The following GABRA3 variants were observed in gnomAD, a reference collection of about 807,000 sequenced individuals.
The protein encoded by GABRA3 is gamma-aminobutyric acid receptor subunit alpha-3.
In GABRA3, 10 loss-of-function variants were observed where a neutral mutation model predicts 30.1. The ratio of observed to expected loss-of-function variants is 0.33; its 90% confidence interval spans 0.20 to 0.56. The LOEUF is 0.56. GABRA3 is among the 20% of genes least tolerant of loss of function. The pLI, the probability that GABRA3 is intolerant of heterozygous loss-of-function variation, is 0.89. For missense variants in GABRA3, 233 were observed against 392.0 expected, an observed-to-expected ratio of 0.59 and a Z score of 3.42; for synonymous variants, 151 against 146.8, an observed-to-expected ratio of 1.03 and a Z score of -0.21.
At chrX:152,397,837 G>T (rs1338540199) in intron 1 of GABRA3, among the ~76,000 whole-genome samples, 1 of 111,267 alleles carries the variant, frequency 9.0e-6, no homozygotes, top group Non-Finnish European at 1.9e-5. Context: ...GAGCTGTCGG[G>T]ATTAAATAAG....
At chrX:152,338,411 C>T (rs951598582) in intron 3 of GABRA3, among the ~76,000 whole-genome samples, 52 of 111,372 alleles carry the variant, frequency 4.7e-4, no homozygotes, top group African/African-American at 1.4e-3. Context: ...TTTTTGAGAT[C>T]CTTATATATT....
chrX:152,264,373 C>T (rs1293564149), intron 4 of GABRA3, among the ~76,000 whole-genome samples: 2 of 111,714 alleles, frequency 1.8e-5, no homozygotes, highest in African/African-American at 6.5e-5. Context: ...TATTAGTTTT[C>T]TTTTTGCTTG....
intron 8 of GABRA3, among the ~76,000 whole-genome samples, chrX:152,196,032 T>G (rs187474374): frequency 3.6e-5 from 4 of 110,139 alleles, no homozygotes; most frequent in African/African-American, 9.9e-5. Context: ...CTTCTTTCAT[T>G]TGGGCCCCTG....
chrX:152,443,742 A>G (rs746421836), intron 1 of GABRA3, among the ~76,000 whole-genome samples: 1 of 111,898 alleles, frequency 8.9e-6, no homozygotes, highest in Non-Finnish European at 1.9e-5. Context: ...ATGTGAGATC[A>G]TTTAGAATTC....
intron 1 of GABRA3, among the ~76,000 whole-genome samples, chrX:152,409,064 T>TA (rs1392398998): frequency 9.0e-6 from 1 of 111,701 alleles, no homozygotes; most frequent in African/African-American, 3.3e-5. Flanking sequence ...TACATAAAAA[T>TA]AAAATTGGCC....
At chrX:152,201,381 C>A (rs1027795299) in intron 7 of GABRA3, among the ~76,000 whole-genome samples, 1 of 111,926 alleles carries the variant, frequency 8.9e-6, no homozygotes, top group South Asian at 3.7e-4. Context: ...ACACACAATG[C>A]ATATGTATTC....
chrX:152,447,274 T>G (rs1403983246), intron 1 of GABRA3, among the ~76,000 whole-genome samples: 1 of 111,307 alleles, frequency 9.0e-6, no homozygotes, highest in Non-Finnish European at 1.9e-5. Context: ...TCAAAGCCCT[T>G]TAATCAGTCC....
chrX:152,408,409 G>A (rs1410515370), intron 1 of GABRA3, among the ~76,000 whole-genome samples: 1 of 111,356 alleles, frequency 9.0e-6, no homozygotes, highest in Admixed American at 9.6e-5. Context: ...GCAAAAATTA[G>A]TAGCATGTTT....
At chrX:152,293,526 G>T (rs1248375810) in intron 3 of GABRA3, among the ~76,000 whole-genome samples, 1 of 111,273 alleles carries the variant, frequency 9.0e-6, no homozygotes, top group Non-Finnish European at 1.9e-5. Flanking sequence ...GTCAGTCTGT[G>T]TCTTTTAATT....
At chrX:152,205,721 T>C (rs1937533070) in intron 7 of GABRA3, among the ~76,000 whole-genome samples, 1 of 111,860 alleles carries the variant, frequency 8.9e-6, no homozygotes, top group South Asian at 3.7e-4. Context: ...ACATTTTACC[T>C]GGATTATGTG....
intron 3 of GABRA3, among the ~76,000 whole-genome samples, chrX:152,333,721 G>A (rs1190280257): frequency 3.6e-5 from 4 of 111,451 alleles, no homozygotes; most frequent in Non-Finnish European, 7.5e-5. Flanking sequence ...GTAAGACCTC[G>A]AAAGTGAAAA....
At chrX:152,198,313 C>T (rs1603206510) in intron 7 of GABRA3, among the ~76,000 whole-genome samples, 1 of 112,109 alleles carries the variant, frequency 8.9e-6, no homozygotes, top group East Asian at 2.8e-4. Flanking sequence ...TTATGCTCCG[C>T]TGTTCTAATG....
At chrX:152,383,325 C>T (rs1191953360) in intron 1 of GABRA3, among the ~76,000 whole-genome samples, 3 of 90,585 alleles carry the variant, frequency 3.3e-5, no homozygotes, top group African/African-American at 1.3e-4. Flanking sequence ...GGAGGTGGAA[C>T]TTGCAGTGAG....
intron 2 of GABRA3, among the ~76,000 whole-genome samples, chrX:152,349,622 A>C (rs374769062): frequency 0.057 from 6,008 of 104,938 alleles, 227 homozygotes; most frequent in East Asian, 0.11. Context: ...TCTACCAAGC[A>C]AATGGAAAAC....
chrX:152,260,301 G>T (rs1335907230), intron 4 of GABRA3, among the ~76,000 whole-genome samples: 1 of 111,794 alleles, frequency 8.9e-6, no homozygotes, highest in East Asian at 2.8e-4. Flanking sequence ...CCAAGGGCCT[G>T]GAAGAATTCA....
At chrX:152,202,414 C>T (rs928530375) in intron 7 of GABRA3, among the ~76,000 whole-genome samples, 3 of 111,832 alleles carry the variant, frequency 2.7e-5, no homozygotes, top group Non-Finnish European at 5.6e-5. Flanking sequence ...CTCCCTCCCA[C>T]ATCTGCCCCA....
At chrX:152,432,357 T>C (rs777655711) in intron 1 of GABRA3, among the ~76,000 whole-genome samples, 3 of 111,912 alleles carry the variant, frequency 2.7e-5, no homozygotes, top group Non-Finnish European at 3.8e-5. Context: ...TTTTAACAAA[T>C]CTTGGAGAAA....
chrX:152,257,516 A>G lies in GABRA3; in HGVS notation c.331-1518T>C, dbSNP rs927616447. ...AAGCTGGCCCTTGCCTTCCTCTCTG[A>G]GTTATTCTCCAAACACTCTTTCCTT... On this transcript the variant is annotated intron_variant, in intron 4 of 9. Transcript: ENST00000370314. Among the ~76,000 whole-genome samples the G allele has an allele frequency of 3.6e-5, 4 of 112,336 alleles. No homozygotes were observed. In the Admixed American group the frequency reaches 3.8e-4, roughly 11 times the overall value.
chrX:152,323,878 G>A (rs938905946), intron 3 of GABRA3, among the ~76,000 whole-genome samples: 2 of 111,748 alleles, frequency 1.8e-5, no homozygotes, highest in South Asian at 3.8e-4. Flanking sequence ...CCAAGGATAC[G>A]TTTGTTTCCC....
Sources: gnomAD v4.1 joint callset for allele counts (sites outside exome capture counted in the v4.1 genomes callset) on GRCh38, gnomAD v4.1.1 for gene constraint, MANE v1.5 for transcripts, NCBI Gene and HGNC (gene_info 2026-07-23, HGNC 2026-07-21) for gene names.